The following KLF12 variants were observed in gnomAD, a reference collection of about 807,000 sequenced individuals.
KLF12 encodes Krueppel-like factor 12.
KLF12 carries 9 observed loss-of-function variants against 37.8 expected under a neutral mutation model. The ratio of observed to expected loss-of-function variants is 0.24; its 90% CI spans 0.14 to 0.42. The LOEUF (loss-of-function observed/expected upper bound fraction) is 0.42. Among genes scored for constraint, KLF12 ranks in the 10% least tolerant of loss-of-function variants. KLF12 has a pLI of 1.00. For synonymous variants in KLF12, 208 were observed against 202.1 expected (o/e 1.03, Z -0.25); for missense variants, 411 against 516.0 (o/e 0.80, Z 1.97).
intron 5 of KLF12, among the ~76,000 whole-genome samples, chr13:73,784,475 T>C (rs1012950183): frequency 2.2e-5 from 3 of 139,266 alleles, no homozygotes; most frequent in Non-Finnish European, 4.7e-5. Flanking sequence ...CTAATACTGA[T>C]TTTAATCCAG....
At chr13:74,219,624 A>T in the KLF12 span, among the ~76,000 whole-genome samples, 1 of 152,252 alleles carries the variant, frequency 6.6e-6, no homozygotes, top group African/African-American at 2.4e-5. Context: ...AGTTTAAAAA[A>T]TTGTTTAAGA....
At chr13:73,949,820 C>T (rs1172449649) in intron 2 of KLF12, among the ~76,000 whole-genome samples, 1 of 152,190 alleles carries the variant, frequency 6.6e-6, no homozygotes, top group African/African-American at 2.4e-5. Flanking sequence ...CAGACTTTGC[C>T]ATTCTAGCCC....
At chr13:73,785,609 ATT>A (rs537464774) in intron 5 of KLF12, among the ~76,000 whole-genome samples, 3 of 143,728 alleles carry the variant, frequency 2.1e-5, no homozygotes, top group Middle Eastern at 3.7e-3. Flanking sequence ...ATCTCTGCCC[ATT>A]TTTTTTTTTT....
At chr13:73,885,982 G>T (rs1335102264) in intron 3 of KLF12, among the ~76,000 whole-genome samples, 1 of 152,174 alleles carries the variant, frequency 6.6e-6, no homozygotes, top group East Asian at 1.9e-4. Context: ...GAGGAAGGTT[G>T]GTGTTACTTA....
At chr13:73,961,592 G>T (rs1234781642) in intron 2 of KLF12, among the ~76,000 whole-genome samples, 3 of 152,046 alleles carry the variant, frequency 2.0e-5, no homozygotes, top group African/African-American at 7.2e-5. Flanking sequence ...AACTCCAGGG[G>T]GACCAAGTCA....
intron 3 of KLF12, among the ~76,000 whole-genome samples, chr13:73,912,063 T>TA (rs1260006709): frequency 1.3e-5 from 2 of 152,242 alleles, no homozygotes; most frequent in African/African-American, 2.4e-5. Context: ...GTTTCTAAAA[T>TA]AGTTTCCACA....
chr13:74,227,118 C>G, the KLF12 span, among the ~76,000 whole-genome samples: 1 of 152,222 alleles, frequency 6.6e-6, no homozygotes, highest in Middle Eastern at 3.4e-3. Context: ...CCAATACACC[C>G]TACATGGGTA....
chr13:74,162,691 C>T, the KLF12 span, among the ~76,000 whole-genome samples: 1 of 152,044 alleles, frequency 6.6e-6, no homozygotes, highest in Non-Finnish European at 1.5e-5. Flanking sequence ...TTTTATTTTC[C>T]ACCCCTGGCA....
intron 1 of KLF12, among the ~76,000 whole-genome samples, chr13:74,047,812 C>T (rs541811105): frequency 1.4e-4 from 21 of 152,170 alleles, no homozygotes; most frequent in African/African-American, 3.4e-4. Context: ...ATTCCATAAA[C>T]GCTTTTTTGA....
intron 1 of KLF12, among the ~76,000 whole-genome samples, chr13:74,112,710 G>A (rs549625497): frequency 2.2e-4 from 34 of 152,070 alleles, no homozygotes; most frequent in African/African-American, 8.2e-4. Flanking sequence ...TCTCTCTCCC[G>A]GAGACTTAAC....
At chr13:74,115,552 A>C (rs976904676) in intron 1 of KLF12, among the ~76,000 whole-genome samples, 1 of 152,026 alleles carries the variant, frequency 6.6e-6, no homozygotes, top group Non-Finnish European at 1.5e-5. Context: ...TAAAAATACA[A>C]AAATTAGCCA....
intron 3 of KLF12, among the ~76,000 whole-genome samples, chr13:73,912,469 C>T (rs1238696466): frequency 6.6e-6 from 1 of 152,000 alleles, no homozygotes; most frequent in Non-Finnish European, 1.5e-5. Flanking sequence ...AGACAGGTGT[C>T]CTTATAAGAA....
intron 5 of KLF12, among the ~76,000 whole-genome samples, chr13:73,783,678 T>C (rs890209243): frequency 6.6e-6 from 1 of 152,178 alleles, no homozygotes; most frequent in Non-Finnish European, 1.5e-5. Context: ...GAAATGCCAG[T>C]GTAGTCTCAT....
chr13:73,809,502 T>C lies in KLF12; in HGVS notation c.806+3650A>G, dbSNP rs574185691. The stretch of plus-strand genomic sequence containing the variant: ...TGAAAGTTAACTTTGACTAAACCTA[T>C]GTACAGAATTTTTAAAATTTTTATA... On this transcript the variant is annotated intron_variant, in intron 5 of 7. Transcript: ENST00000377669. 4.1e-4 allele frequency among the ~76,000 whole-genome samples: 28 copies of C among 68,432 alleles called. No individual in the cohort carries two copies. In the South Asian group the frequency reaches 0.019, roughly 47 times the overall value. 44.9% of individuals were successfully genotyped at this position (68,432 alleles called of 152,430 possible).
intron 4 of KLF12, among the ~76,000 whole-genome samples, chr13:73,837,304 T>C (rs183447217): frequency 9.2e-5 from 14 of 152,318 alleles, no homozygotes; most frequent in Non-Finnish European, 1.8e-4. Flanking sequence ...GCGCCAGTTA[T>C]TATCATCGAA....
the KLF12 span, among the ~76,000 whole-genome samples, chr13:74,152,929 T>A: frequency 1.1e-3 from 146 of 131,366 alleles, no homozygotes; most frequent in African/African-American, 3.9e-3. Context: ...ATAATAATAA[T>A]AAAAACAGAG....
At chr13:74,132,539 C>G (rs1442859724) in intron 1 of KLF12, among the ~76,000 whole-genome samples, 4 of 152,188 alleles carry the variant, frequency 2.6e-5, no homozygotes, top group Non-Finnish European at 5.9e-5. Context: ...CAGAACGACA[C>G]TTTAGCCATC....
intron 3 of KLF12, among the ~76,000 whole-genome samples, chr13:73,913,308 A>G (rs532352686): frequency 6.6e-6 from 1 of 152,306 alleles, no homozygotes; most frequent in East Asian, 1.9e-4. Context: ...CCTTCCTTGG[A>G]GAAAATCCTT....
chr13:74,024,249 C>A (rs1371914146), intron 1 of KLF12, among the ~76,000 whole-genome samples: 2 of 152,190 alleles, frequency 1.3e-5, no homozygotes, highest in Non-Finnish European at 1.5e-5. Flanking sequence ...GATACATAAT[C>A]ATCAACTATA....
Sources: gnomAD v4.1 joint callset for allele counts (sites outside exome capture counted in the v4.1 genomes callset) on GRCh38, gnomAD v4.1.1 for gene constraint, MANE v1.5 for transcripts, NCBI Gene and HGNC (gene_info 2026-07-23, HGNC 2026-07-21) for gene names.